The following CWC27 variants were observed in gnomAD, a reference collection of about 807,000 sequenced individuals.
The protein encoded by CWC27 is spliceosome-associated protein CWC27 homolog.
A neutral mutation model predicts 63.6 loss-of-function variants in CWC27; 47 were observed. That is an observed-to-expected ratio of 0.74 (90% confidence interval 0.58 to 0.94). The LOEUF is 0.94. Ranked by LOEUF, CWC27 falls within the 40% of genes least tolerant of loss-of-function variation. CWC27 has a pLI of 0.00. For missense variants in CWC27, 495 were observed against 554.3 expected (o/e 0.89, Z 1.07); for synonymous variants, 175 against 179.8 (o/e 0.97, Z 0.22).
intron 2 of CWC27, among the ~76,000 whole-genome samples, chr5:64,778,075 A>C (rs1031473007): frequency 6.6e-6 from 1 of 152,202 alleles, no homozygotes; most frequent in Non-Finnish European, 1.5e-5. Flanking sequence ...AAAAGAAAGA[A>C]AATGGTGAAA....
intron 10 of CWC27, among the ~76,000 whole-genome samples, chr5:64,806,408 T>C (rs1744672851): frequency 6.6e-6 from 1 of 152,166 alleles, no homozygotes; most frequent in Non-Finnish European, 1.5e-5. Flanking sequence ...TTGGATTCTT[T>C]TAGGTAAAAT....
intron 10 of CWC27, among the ~76,000 whole-genome samples, chr5:64,828,376 C>T (rs1416200366): frequency 6.6e-6 from 1 of 151,998 alleles, no homozygotes; most frequent in Non-Finnish European, 1.5e-5. Flanking sequence ...TGTCTTAGTC[C>T]GTTTGGACTC....
At chr5:64,822,953 A>G (rs1349731828) in intron 10 of CWC27, among the ~76,000 whole-genome samples, 1 of 152,198 alleles carries the variant, frequency 6.6e-6, no homozygotes, top group East Asian at 1.9e-4. Flanking sequence ...AACAAATTTT[A>G]TTTCTAGCAC....
rs145864127 is a variant in CWC27, at chr5:64,891,943, C to T, written c.1042+6397C>T. Among the ~76,000 whole-genome samples, 563 of 152,162 alleles carry T rather than the reference C, an allele frequency of 3.7e-3. 3 individuals carry two copies. The highest frequency in any genetic ancestry group is 0.013 in the African/African-American group (529 of 41,510). On this transcript the variant is annotated intron_variant, in intron 11 of 13. Transcript: ENST00000381070. The stretch of plus-strand genomic sequence containing the variant: ...CTGAGTAGCTGGAATTACAGGCACG[C>T]ACCGCCACACCTGGCTGACTTTTTT...
At chr5:64,944,948 C>A (rs978223819) in intron 11 of CWC27, among the ~76,000 whole-genome samples, 90 of 152,200 alleles carry the variant, frequency 5.9e-4, no homozygotes, top group African/African-American at 2.0e-3. Context: ...TGTACTCTCT[C>A]CCCTTCTGTT....
At chr5:64,772,168 G>T (rs1222872529) in intron 1 of CWC27, among the ~76,000 whole-genome samples, 1 of 152,212 alleles carries the variant, frequency 6.6e-6, no homozygotes, top group Non-Finnish European at 1.5e-5. Flanking sequence ...TCCAGAGCCT[G>T]TGGAGGGAGG....
chr5:64,825,991 G>C (rs560704070), intron 10 of CWC27, among the ~76,000 whole-genome samples: 3 of 152,158 alleles, frequency 2.0e-5, no homozygotes, highest in African/African-American at 7.2e-5. Flanking sequence ...GTTCCAGCAC[G>C]CCCTTCCTGA....
intron 10 of CWC27, among the ~76,000 whole-genome samples, chr5:64,863,482 C>A (rs1746461415): frequency 6.6e-6 from 1 of 151,870 alleles, no homozygotes; most frequent in African/African-American, 2.4e-5. Flanking sequence ...CCCATCCCCT[C>A]TCCTCCTCTC....
chr5:64,994,595 C>T (rs1749596497), intron 13 of CWC27, among the ~76,000 whole-genome samples: 1 of 152,102 alleles, frequency 6.6e-6, no homozygotes, highest in Non-Finnish European at 1.5e-5. Flanking sequence ...ACCATCAAAA[C>T]AATGTGTAAA....
chr5:64,785,708 A>G lies in CWC27; in HGVS notation c.495+129A>G, dbSNP rs182994592. 4.0e-5 allele frequency: 21 copies of G among 523,524 alleles called. No homozygotes were observed. The East Asian group carries it at 7.0e-4, about 18-fold the overall frequency. The allele number at this position is 523,524 out of a possible 1,614,324, so 32.4% of individuals were successfully genotyped here. ...ACATCACAACTCAAATTTTATCTCT[A>G]ATTTATTTGGGCACCGTTTCTAGTT... On this transcript the variant is annotated intron_variant, in intron 5 of 13. Transcript: ENST00000381070.
At chr5:64,786,855 T>C (rs1165281526) in intron 6 of CWC27, among the ~76,000 whole-genome samples, 2 of 152,174 alleles carry the variant, frequency 1.3e-5, no homozygotes, top group African/African-American at 4.8e-5. Context: ...GTTGTATTAG[T>C]CCGTTTTCAC....
chr5:64,842,796 T>C (rs1745879066), intron 10 of CWC27, among the ~76,000 whole-genome samples: 2 of 151,786 alleles, frequency 1.3e-5, no homozygotes, highest in African/African-American at 4.8e-5. Context: ...GAGATGGGGT[T>C]TCGCCATGTT....
intron 11 of CWC27, among the ~76,000 whole-genome samples, chr5:64,934,637 C>T (rs202131827): frequency 6.6e-6 from 1 of 152,152 alleles, no homozygotes; most frequent in Non-Finnish European, 1.5e-5. Context: ...ATTGCTGGGT[C>T]AAATGGTATT....
intron 11 of CWC27, among the ~76,000 whole-genome samples, chr5:64,957,822 CAATT>C (rs944983933): frequency 6.6e-6 from 1 of 152,116 alleles, no homozygotes; most frequent in African/African-American, 2.4e-5. Context: ...AAAAATAAGA[CAATT>C]AAGACCAGTT....
chr5:64,879,997 CTCTT>C (rs1180619754), intron 10 of CWC27, among the ~76,000 whole-genome samples: 1 of 151,926 alleles, frequency 6.6e-6, no homozygotes, highest in Non-Finnish European at 1.5e-5. Flanking sequence ...TTTTCCACCT[CTCTT>C]TCTTGGTTTA....
intron 11 of CWC27, among the ~76,000 whole-genome samples, chr5:64,920,577 A>T (rs1027213081): frequency 6.6e-6 from 1 of 152,192 alleles, no homozygotes; most frequent in Admixed American, 6.5e-5. Flanking sequence ...CTGTGAATCC[A>T]TCTAGACCAG....
intron 11 of CWC27, among the ~76,000 whole-genome samples, chr5:64,908,295 T>G (rs1747705867): frequency 6.6e-6 from 1 of 152,208 alleles, no homozygotes; most frequent in Non-Finnish European, 1.5e-5. Context: ...GAGGAGTGCT[T>G]TACTTCCAAC....
chr5:64,816,983 C>T (rs1745052738), intron 10 of CWC27, among the ~76,000 whole-genome samples: 2 of 152,226 alleles, frequency 1.3e-5, no homozygotes, highest in African/African-American at 4.8e-5. Flanking sequence ...TTCCTTTTCC[C>T]ACCACCAAAT....
intron 10 of CWC27, among the ~76,000 whole-genome samples, chr5:64,835,219 A>G (rs1745630488): frequency 6.6e-6 from 1 of 151,792 alleles, no homozygotes; most frequent in South Asian, 2.1e-4. Flanking sequence ...GCATTAACAT[A>G]ATGTCTTTAG....
Sources: gnomAD v4.1 joint callset for allele counts (sites outside exome capture counted in the v4.1 genomes callset) on GRCh38, gnomAD v4.1.1 for gene constraint, MANE v1.5 for transcripts, NCBI Gene and HGNC (gene_info 2026-07-23, HGNC 2026-07-21) for gene names.